The following SLC35A4 variants were observed in gnomAD, a reference collection of about 807,000 sequenced individuals.
The protein encoded by SLC35A4 is probable UDP-sugar transporter protein SLC35A4.
In SLC35A4, 9 loss-of-function variants were observed where a neutral mutation model predicts 18.8. That is an observed-to-expected ratio of 0.48 (90% CI 0.29 to 0.83). The LOEUF is 0.83. SLC35A4 is among the 40% of genes least tolerant of loss of function. SLC35A4 has a pLI of 0.09. For synonymous variants in SLC35A4, 189 were observed against 191.9 expected (o/e 0.98, Z 0.13); for missense variants, 404 against 415.5 (o/e 0.97, Z 0.24).
intron 2 of SLC35A4, 42 bp downstream of exon 2, chr5:140,566,013 C>G: frequency 2.5e-6 from 1 of 398,832 alleles, no homozygotes. Context: ...GGCTTTATTG[C>G]CCAACATGCT....
chr5:140,566,063 AG>A (rs2127137935), intron 2 of SLC35A4, 92 bp downstream of exon 2: 1 of 397,596 alleles, frequency 2.5e-6, no homozygotes, highest in African/African-American at 2.1e-5. Context: ...TTCTTCAGCA[AG>A]TGATTATTGA....
rs745434433 is a variant in SLC35A4 at position 140,567,896 on chromosome 5, C to G, written c.727C>G (p.Pro243Ala). 48 of 1,614,060 alleles carry G rather than the reference C, an allele frequency of 3.0e-5. No homozygotes were observed. The highest frequency in any genetic ancestry group is 4.1e-5 in the Non-Finnish European group (48 of 1,180,038). Reference protein sequence around the residue: ...LGLHAGGGSGPGLLEGFSGWA... With the variant: ...LGLHAGGGSGAGLLEGFSGWA... ...TCTGCATGCTGGCGGCGGCTCTGGC[C>G]CAGGCCTCCTGGAAGGTTTCTCAGG... The change falls in exon 3 of 3, where the codon CCA becomes GCA. Residue 243 changes from proline (P) to alanine (A), a missense_variant. Coordinates refer to ENST00000323146, the MANE Select transcript of SLC35A4 (RefSeq NM_080670.4).
rs1755235989 is a variant in SLC35A4, at chr5:140,568,038, A to G, written c.869A>G (p.Asn290Ser). The stretch of plus-strand genomic sequence containing the variant: ...GTGGTGTCCTGCTCGCTGGTGGTCA[A>G]CGCCGTGCTCTCAGCAGTCCTGCTA... ...LFVVSCSLVV[N>S]AVLSAVLLRL... Residue 290 changes from asparagine to serine, a missense_variant, in exon 3 of 3, where the codon AAC becomes AGC. By Grantham distance (46) the Asn-to-Ser change is conservative. Transcript: ENST00000323146. 2 of 1,613,968 alleles carry G rather than the reference A, an allele frequency of 1.2e-6. No individual in the cohort carries two copies. The highest frequency in any genetic ancestry group is 1.7e-6 in the Non-Finnish European group (2 of 1,180,004).
rs545775333 is a variant in SLC35A4 at position 140,567,122 on chromosome 5, G to A, written c.-48G>A. 4.3e-6 allele frequency: 7 copies of A among 1,613,672 alleles called. No homozygotes were observed. In the East Asian group the frequency reaches 8.9e-5, roughly 21 times the overall value. ...CTCCATAACTTGATTTTCCCCAAAC[G>A]TGTTGCAATCCCTGCTGCCCCTTAG... On this transcript the variant is annotated 5_prime_UTR_variant, in exon 3 of 3. The change creates a new upstream start codon in the 5' untranslated region. Coordinates refer to ENST00000323146, the MANE Select transcript of SLC35A4 (RefSeq NM_080670.4).
Position 140,567,121 on chromosome 5 carries a change from C to A in SLC35A4, c.-49C>A. The A allele has an allele frequency of 1.4e-5, 22 of 1,613,598 alleles. No individual in the cohort carries two copies. Among genetic ancestry groups the A allele is most frequent in the Non-Finnish European group, 1.9e-5 (22 of 1,179,966 alleles). On this transcript the variant is annotated 5_prime_UTR_variant, in exon 3 of 3. Coordinates refer to ENST00000323146, the MANE Select transcript of SLC35A4 (RefSeq NM_080670.4). ...GCTCCATAACTTGATTTTCCCCAAA[C>A]GTGTTGCAATCCCTGCTGCCCCTTA...
At position 140,564,840 on chromosome 5, in the gene SLC35A4, G is replaced by T. The variant is rs1755146398; in HGVS notation, c.-723G>T. On this transcript the variant is annotated 5_prime_UTR_variant, in exon 1 of 3. Transcript: ENST00000323146. This position sits in a 1 kb window ranked among gnomAD's most constrained non-coding sequence, Gnocchi z 5.0. ...GCGCCTGCGCAACAAGTTCGGCGGGGAAGATGGCGGATGACAAGGTGAGTG... is the reference window on the plus strand; with the variant it reads ...GCGCCTGCGCAACAAGTTCGGCGGGTAAGATGGCGGATGACAAGGTGAGTG... 2.5e-6 allele frequency: 1 copy of T among 403,592 alleles called. No individual in the cohort carries two copies. The highest frequency in any genetic ancestry group is 2.0e-5 in the African/African-American group (1 of 48,794). The allele number at this position is 403,592 out of a possible 1,614,324, so 25.0% of individuals were successfully genotyped here. A position where few individuals can be genotyped will look rare whatever the true frequency, so the allele number is the denominator to read the frequency against.
In SLC35A4 at chr5:140,568,322, C is replaced by A; in HGVS notation, c.*178C>A. 1.0e-6 allele frequency: 1 copy of A among 973,272 alleles called. No homozygotes were observed. The highest frequency in any genetic ancestry group is 1.5e-6 in the Non-Finnish European group (1 of 659,278). The allele number at this position is 973,272 out of a possible 1,614,324, so 60.3% of individuals were successfully genotyped here. ...TGGAGGTTGGTGGATGAAGGGGTACCCCTAGGAGATGTGAAGTGTGGGTTT... is the reference window on the plus strand; with the variant it reads ...TGGAGGTTGGTGGATGAAGGGGTACACCTAGGAGATGTGAAGTGTGGGTTT... On this transcript the variant is annotated 3_prime_UTR_variant, in exon 3 of 3. Coordinates refer to ENST00000323146, the MANE Select transcript of SLC35A4 (RefSeq NM_080670.4).
chr5:140,565,460 C>A, intron 1 of SLC35A4: 1 of 157,390 alleles, frequency 6.4e-6, no homozygotes, highest in African/African-American at 2.4e-5. Flanking sequence ...AGAAGCTCAG[C>A]ATTACCCACA....
chr5:140,567,687 C>T lies in SLC35A4; in HGVS notation c.518C>T (p.Pro173Leu). 6.2e-7 allele frequency: 1 copy of T among 1,614,154 alleles called. No homozygotes were observed. Among genetic ancestry groups the T allele is most frequent in the Non-Finnish European group, 8.5e-7 (1 of 1,180,046 alleles). Residue 173 changes from proline (P) to leucine (L), a missense_variant, in exon 3 of 3, where the codon CCA (proline) becomes CTA (leucine). Pro to Leu is a moderately conservative substitution (Grantham distance 98). Transcript: ENST00000323146. ...GGGAACACCCTTCCCAGTCCCCCTC[C>T]AGCAGCTGCTGCCAGCCCCATGCCC... is the stretch of plus-strand genomic sequence containing the variant. ...VPGNTLPSPP[P>L]AAAASPMPLH...
rs1390526036 is a variant in SLC35A4 at position 140,566,601 on chromosome 5, T to C, written c.-569T>C. 1 of 436,562 alleles carries C rather than the reference T, an allele frequency of 2.3e-6. No homozygotes were observed. 27.0% of individuals were successfully genotyped at this position (436,562 alleles called of 1,614,324 possible). A position where few individuals can be genotyped will look rare whatever the true frequency, so the allele number is the denominator to read the frequency against. On this transcript the variant is annotated 5_prime_UTR_variant, in exon 3 of 3. Coordinates refer to ENST00000323146, the MANE Select transcript of SLC35A4 (RefSeq NM_080670.4). Reference sequence around the variant, plus strand: ...GTTGTCCTCCCCGTTCCTCAAGGGATTCCTGGCTGGCTATGTGGTGGCCAA... The same window carrying C: ...GTTGTCCTCCCCGTTCCTCAAGGGACTCCTGGCTGGCTATGTGGTGGCCAA...
Position 140,565,924 on chromosome 5 carries a change from A to G in SLC35A4, c.-653A>G, listed in dbSNP as rs941040368. Reference sequence around the variant, plus strand: ...GGCATTTCTCAAGAACCAGCTGGAAAGCCTGCAGCGGCGTGTAGAAGACGA... The same window carrying G: ...GGCATTTCTCAAGAACCAGCTGGAAGGCCTGCAGCGGCGTGTAGAAGACGA... On this transcript the variant is annotated 5_prime_UTR_variant, in exon 2 of 3. Transcript: ENST00000323146. 3 of 398,970 alleles carry G rather than the reference A, an allele frequency of 7.5e-6. No homozygotes were observed. Among genetic ancestry groups the G allele is most frequent in the Non-Finnish European group, 1.3e-5 (3 of 226,064 alleles). The allele number at this position is 398,970 out of a possible 1,614,324, so 24.7% of individuals were successfully genotyped here.
Position 140,566,992 on chromosome 5 carries a change from A to G in SLC35A4, c.-178A>G. ...CCCCAAGACTGTGGCTTCAAGGACC[A>G]CCAGCCCCTTACTCTTCAAGCCCTG... is the stretch of plus-strand genomic sequence containing the variant. On this transcript the variant is annotated 5_prime_UTR_variant, in exon 3 of 3. Coordinates refer to ENST00000323146, the MANE Select transcript of SLC35A4 (RefSeq NM_080670.4). 1.0e-6 allele frequency: 1 copy of G among 966,216 alleles called. No homozygotes were observed. 59.9% of individuals were successfully genotyped at this position (966,216 alleles called of 1,614,324 possible). A position where few individuals can be genotyped will look rare whatever the true frequency, so the allele number is the denominator to read the frequency against.
chr5:140,567,717 A>G lies in SLC35A4; in HGVS notation c.548A>G (p.His183Arg). The G allele has an allele frequency of 1.2e-6, 2 of 1,614,118 alleles. No individual in the cohort carries two copies. The highest frequency in any genetic ancestry group is 1.7e-6 in the Non-Finnish European group (2 of 1,180,036). ...GCTGCTGCCAGCCCCATGCCCCTGC[A>G]TATCACTCCGCTAGGCCTGCTGCTC... ...PAAAASPMPL[H>R]ITPLGLLLLI... Residue 183 changes from histidine to arginine, a missense_variant, in exon 3 of 3, where the codon CAT (histidine) becomes CGT (arginine). His to Arg is a conservative substitution (Grantham distance 29). Coordinates refer to ENST00000323146, the MANE Select transcript of SLC35A4 (RefSeq NM_080670.4).
At chr5:140,566,137 G>A (rs1245427831) in intron 2 of SLC35A4, among the ~76,000 whole-genome samples, 166 bp downstream of exon 2, 1 of 152,212 alleles carries the variant, frequency 6.6e-6, no homozygotes, top group African/African-American at 2.4e-5. Flanking sequence ...AATATCTTAA[G>A]TAGTGGTTAA....
chr5:140,565,029 T>G (rs1262303685), intron 1 of SLC35A4, 171 bp downstream of exon 1: 5 of 398,184 alleles, frequency 1.3e-5, no homozygotes, highest in Middle Eastern at 6.2e-4. Flanking sequence ...GGGAGAGCAT[T>G]CGGCGAGGCG....
chr5:140,564,892 G>T lies in SLC35A4; in HGVS notation c.-705+34G>T. ...CCGTGGGGGTGATCTGCAGCCGGGC[G>T]TGGTCTTCACTCTCCTTGACCTTTT... is the stretch of plus-strand genomic sequence containing the variant. On this transcript the variant is annotated intron_variant, in intron 1 of 2. Transcript: ENST00000323146. This position sits in a 1 kb window ranked among gnomAD's most constrained non-coding sequence, Gnocchi z 5.0. The T allele has an allele frequency of 2.5e-6, 1 of 405,076 alleles. No homozygotes were observed. The highest frequency in any genetic ancestry group is 4.4e-6 in the Non-Finnish European group (1 of 229,510). The allele number at this position is 405,076 out of a possible 1,614,324, so 25.1% of individuals were successfully genotyped here.
At position 140,567,201 on chromosome 5, in the gene SLC35A4, TGGGCCGTCCCAGGCAGGCCC is replaced by T; in HGVS notation, c.34_53del (p.Gly12LeufsTer40). The T allele has an allele frequency of 6.2e-7, 1 of 1,614,150 alleles. No individual in the cohort carries two copies. Among genetic ancestry groups the T allele is most frequent in the Non-Finnish European group, 8.5e-7 (1 of 1,179,994 alleles). ...GTAGAGGATGGGGGTATGCCAGGCC[TGGGCCGTCCCAGGCAGGCCC>T]GCTGGACCCTGATGCTACTCCTATC... On this transcript the variant is annotated frameshift_variant, in exon 3 of 3. Coordinates refer to ENST00000323146, the MANE Select transcript of SLC35A4 (RefSeq NM_080670.4). LOFTEE classifies it high-confidence loss of function.
At position 140,568,877 on chromosome 5, in the gene SLC35A4, G is replaced by A. The variant is rs768830016; in HGVS notation, c.*733G>A. The A allele has an allele frequency of 1.2e-5, 2 of 167,096 alleles. No individual in the cohort carries two copies. The allele number at this position is 167,096 out of a possible 1,614,324, so 10.4% of individuals were successfully genotyped here. On this transcript the variant is annotated 3_prime_UTR_variant, in exon 3 of 3. Coordinates refer to ENST00000323146, the MANE Select transcript of SLC35A4 (RefSeq NM_080670.4). ...CACCCTGAGGGCTGTCTTGAAGCCC[G>A]CTACCCACTCTGAGGCTCCTAGGAG...
In SLC35A4 at chr5:140,565,974, A is replaced by T. The variant is rs1755177817; in HGVS notation, c.-606+3A>T. The T allele has an allele frequency of 2.5e-6, 1 of 398,806 alleles. No individual in the cohort carries two copies. Among genetic ancestry groups the T allele is most frequent in the South Asian group, 1.3e-4 (1 of 7,854 alleles). The allele number at this position is 398,806 out of a possible 1,614,324, so 24.7% of individuals were successfully genotyped here. A position where few individuals can be genotyped will look rare whatever the true frequency, so the allele number is the denominator to read the frequency against. On this transcript the variant is annotated splice_donor_region_variant and intron_variant, in intron 2 of 2. Coordinates refer to ENST00000323146, the MANE Select transcript of SLC35A4 (RefSeq NM_080670.4). ...AAGTCAACAGTGGAGTGGGCCAGGT[A>T]AGGACTGTCCCACCCCACCCCTGCC...
Sources: allele counts gnomAD v4.1 joint callset (sites outside exome capture counted in the v4.1 genomes callset), GRCh38; gene constraint gnomAD v4.1.1; non-coding constraint Gnocchi (gnomAD v3.1); transcripts MANE v1.5; gene names NCBI Gene and HGNC (gene_info 2026-07-23, HGNC 2026-07-21).